DOCK4: variants seen among roughly 807,000 people sequenced by gnomAD.
DOCK4 encodes the protein dedicator of cytokinesis 4.
A neutral mutation model predicts 268.1 loss-of-function variants in DOCK4; 97 were observed. That is an observed-to-expected ratio of 0.36 (90% CI 0.31 to 0.43). The LOEUF (loss-of-function observed/expected upper bound fraction) is 0.43, where lower values mean the gene tolerates loss of function less well. Among genes scored for constraint, DOCK4 ranks in the 20% least tolerant of loss-of-function variants. DOCK4 has a pLI of 1.00. For missense variants in DOCK4, 2,145 were observed against 2,455.7 expected (o/e 0.87, Z 2.67); for synonymous variants, 954 against 887.2 (o/e 1.08, Z -1.34).
At chr7:112,168,645 C>T (rs905608130) in intron 1 of DOCK4, among the ~76,000 whole-genome samples, 2 of 152,152 alleles carry the variant, frequency 1.3e-5, no homozygotes, top group Non-Finnish European at 2.9e-5. Context: ...GTCAAGGCTT[C>T]AGTGAGTCAA....
At chr7:111,933,459 T>A (rs1406807159) in intron 12 of DOCK4, among the ~76,000 whole-genome samples, 3 of 151,576 alleles carry the variant, frequency 2.0e-5, no homozygotes, top group Non-Finnish European at 2.9e-5. Flanking sequence ...CAGGCCCAGC[T>A]AATTTTTTGT....
chr7:111,938,386 A>G (rs1562913208), intron 11 of DOCK4, among the ~76,000 whole-genome samples: 1 of 152,208 alleles, frequency 6.6e-6, no homozygotes, highest in Non-Finnish European at 1.5e-5. Context: ...CCTATGAAAA[A>G]TCTACTGGCA....
intron 21 of DOCK4, among the ~76,000 whole-genome samples, chr7:111,869,050 A>G (rs1806209289): frequency 6.6e-6 from 1 of 152,146 alleles, no homozygotes; most frequent in South Asian, 2.1e-4. Flanking sequence ...CTTTTTCAAC[A>G]TGTTTGCAAG....
chr7:112,021,293 G>T (rs1802296694), intron 1 of DOCK4, among the ~76,000 whole-genome samples: 1 of 152,184 alleles, frequency 6.6e-6, no homozygotes, highest in Admixed American at 6.5e-5. Flanking sequence ...TTATATAGAT[G>T]AGGTAAATAC....
At chr7:112,087,788 T>C (rs574669202) in intron 1 of DOCK4, among the ~76,000 whole-genome samples, 5 of 152,180 alleles carry the variant, frequency 3.3e-5, no homozygotes, top group Admixed American at 2.0e-4. Flanking sequence ...ACCTAGACCA[T>C]CATATTAACA....
chr7:111,971,797 A>G, intron 8 of DOCK4: 1 of 302,212 alleles, frequency 3.3e-6, no homozygotes, highest in Non-Finnish European at 6.3e-6. Flanking sequence ...TCAGCCACTT[A>G]CGGGGGATGG....
intron 1 of DOCK4, among the ~76,000 whole-genome samples, chr7:112,177,236 C>G (rs1273653608): frequency 1.3e-5 from 2 of 152,190 alleles, no homozygotes; most frequent in African/African-American, 2.4e-5. Flanking sequence ...GGCTCAAAGT[C>G]TGCTGTCACC....
intron 1 of DOCK4, among the ~76,000 whole-genome samples, chr7:112,136,836 G>T (rs961028806): frequency 1.3e-5 from 2 of 152,118 alleles, no homozygotes; most frequent in Non-Finnish European, 2.9e-5. Context: ...TTTTCCAGAA[G>T]GCTAGTATGT....
intron 7 of DOCK4, among the ~76,000 whole-genome samples, chr7:111,981,919 T>C (rs1011293690): frequency 7.2e-5 from 11 of 152,178 alleles, no homozygotes; most frequent in Non-Finnish European, 1.3e-4. Flanking sequence ...CCATATATAA[T>C]GTTACATGAA....
intron 13 of DOCK4, among the ~76,000 whole-genome samples, chr7:111,914,864 C>G (rs1223499905): frequency 6.6e-6 from 1 of 152,124 alleles, no homozygotes; most frequent in African/African-American, 2.4e-5. Context: ...TTTATAGCCC[C>G]AGTATTTGGA....
At chr7:112,031,684 C>T (rs1225560390) in intron 1 of DOCK4, among the ~76,000 whole-genome samples, 1 of 152,140 alleles carries the variant, frequency 6.6e-6, no homozygotes, top group Non-Finnish European at 1.5e-5. Context: ...ATGTGTATTT[C>T]ATCACTTCAA....
At chr7:111,949,898 T>G (rs917971996) in intron 8 of DOCK4, among the ~76,000 whole-genome samples, 6 of 152,196 alleles carry the variant, frequency 3.9e-5, no homozygotes, top group Non-Finnish European at 8.8e-5. Flanking sequence ...AGAAAAAAAC[T>G]GAACAAGTCA....
chr7:112,122,977 G>A (rs944083515), intron 1 of DOCK4, among the ~76,000 whole-genome samples: 1 of 152,110 alleles, frequency 6.6e-6, no homozygotes, highest in Non-Finnish European at 1.5e-5. Context: ...ATTCTCAGAA[G>A]GCAAATTACT....
At chr7:112,063,432 C>A (rs1171367167) in intron 1 of DOCK4, among the ~76,000 whole-genome samples, 4 of 152,162 alleles carry the variant, frequency 2.6e-5, no homozygotes, top group Non-Finnish European at 5.9e-5. Context: ...CATAGCTTAG[C>A]CTACCTTAAA....
At chr7:112,143,652 T>A (rs1313235357) in intron 1 of DOCK4, among the ~76,000 whole-genome samples, 1 of 152,220 alleles carries the variant, frequency 6.6e-6, no homozygotes. Flanking sequence ...CTATTCTTTG[T>A]CTTCCTGTTC....
At chr7:112,145,845 G>T (rs1374185183) in intron 1 of DOCK4, among the ~76,000 whole-genome samples, 1 of 152,094 alleles carries the variant, frequency 6.6e-6, no homozygotes, top group Non-Finnish European at 1.5e-5. Flanking sequence ...GGGGCACTGG[G>T]TGGGTCAAGG....
intron 26 of DOCK4, among the ~76,000 whole-genome samples, chr7:111,827,172 A>G (rs190014055): frequency 2.0e-5 from 3 of 152,348 alleles, no homozygotes; most frequent in African/African-American, 7.2e-5. Flanking sequence ...ATTCAATTAA[A>G]GGGTGTTAAT....
intron 1 of DOCK4, among the ~76,000 whole-genome samples, chr7:112,134,413 A>G (rs1230047119): frequency 6.6e-5 from 10 of 152,238 alleles, no homozygotes; most frequent in Non-Finnish European, 8.8e-5. Flanking sequence ...ATGTCTTTAA[A>G]TAACTCTAAA....
chr7:112,183,307 T>C (rs938092487), intron 1 of DOCK4, among the ~76,000 whole-genome samples: 1 of 152,112 alleles, frequency 6.6e-6, no homozygotes, highest in East Asian at 1.9e-4. Context: ...TTAACAAAGA[T>C]ACTATCAACA....
Sources: gnomAD v4.1 joint callset for allele counts (sites outside exome capture counted in the v4.1 genomes callset) on GRCh38, gnomAD v4.1.1 for gene constraint, MANE v1.5 for transcripts, NCBI Gene and HGNC (gene_info 2026-07-23, HGNC 2026-07-21) for gene names.